Variants in USP32 observed in about 807,000 individuals in gnomAD.
USP32 encodes ubiquitin carboxyl-terminal hydrolase 32.
A neutral mutation model predicts 204.8 loss-of-function variants in USP32; 59 were observed. That is an observed-to-expected ratio of 0.29 (90% confidence interval 0.23 to 0.36). The LOEUF is 0.36. USP32 is among the 10% of genes least tolerant of loss of function. The pLI is 1.00. For missense variants in USP32, 1,160 were observed against 1,946.4 expected (o/e 0.60, Z 7.60); for synonymous variants, 517 against 678.4 (o/e 0.76, Z 3.70).
At chr17:60,419,616 C>G (rs1235772884) in intron 1 of USP32, among the ~76,000 whole-genome samples, 1 of 151,098 alleles carries the variant, frequency 6.6e-6, no homozygotes, top group East Asian at 2.0e-4. Flanking sequence ...GCCTGTAGTC[C>G]CAGCTACTCG....
At chr17:60,182,526 G>A (rs895830483) in intron 31 of USP32, among the ~76,000 whole-genome samples, 2 of 152,168 alleles carry the variant, frequency 1.3e-5, no homozygotes, top group Non-Finnish European at 2.9e-5. Flanking sequence ...ACTTTAAGAG[G>A]CTGAAGCAGG....
At chr17:60,199,384 TAA>T (rs35973432) in intron 26 of USP32, among the ~76,000 whole-genome samples, 2 of 152,306 alleles carry the variant, frequency 1.3e-5, no homozygotes, top group Admixed American at 1.3e-4. Flanking sequence ...TTGAGTACGT[TAA>T]AGAGATATTT....
At chr17:60,233,494 A>G (rs546369632) in intron 12 of USP32, among the ~76,000 whole-genome samples, 2 of 152,196 alleles carry the variant, frequency 1.3e-5, no homozygotes, top group African/African-American at 4.8e-5. Context: ...AAAACACTTA[A>G]CATGCATCAA....
chr17:60,329,581 T>C (rs1198767546), intron 2 of USP32, among the ~76,000 whole-genome samples: 5 of 152,032 alleles, frequency 3.3e-5, no homozygotes, highest in Non-Finnish European at 7.4e-5. Flanking sequence ...AGTGCTAGGA[T>C]ACAGGCATAA....
Position 60,252,421 on chromosome 17 carries a change from AC to A in USP32, c.1095del (p.Leu366Ter). The A allele has an allele frequency of 6.2e-7, 1 of 1,610,330 alleles. No homozygotes were observed. Among genetic ancestry groups the A allele is most frequent in the Non-Finnish European group, 8.5e-7 (1 of 1,178,416 alleles). On this transcript the variant is annotated frameshift_variant, in exon 11 of 34. Transcript: ENST00000300896. LOFTEE classifies it high-confidence loss of function. ...TCTTCTTCCGGAGTAGCTGGTCTTAACCCCAGAACTATGTGACACACCTAGG... is the reference window on the plus strand; with the variant it reads ...TCTTCTTCCGGAGTAGCTGGTCTTAACCCAGAACTATGTGACACACCTAGG... ...LLFQVCHIVLGLRPATPEEEG... is the reference protein window; with the variant it reads ...LLFQVCHIVLXLRPATPEEEG...
intron 2 of USP32, among the ~76,000 whole-genome samples, chr17:60,340,051 T>C (rs1481707787): frequency 1.3e-5 from 2 of 152,192 alleles, no homozygotes; most frequent in African/African-American, 4.8e-5. Context: ...AGAATAATGA[T>C]GCTCTGTTTA....
At chr17:60,219,190 AAAC>A (rs150537662) in intron 16 of USP32, among the ~76,000 whole-genome samples, 19,703 of 152,036 alleles carry the variant, frequency 0.13, 2,652 homozygotes, top group African/African-American at 0.34. Flanking sequence ...CCAAAAAACC[AAAC>A]AACAACAAAA....
chr17:60,278,258 G>A (rs951201966), intron 5 of USP32, among the ~76,000 whole-genome samples: 2 of 151,754 alleles, frequency 1.3e-5, no homozygotes, highest in Admixed American at 1.3e-4. Context: ...TAGTAAAAAC[G>A]TATTATATGC....
At chr17:60,277,635 C>A (rs60965091) in intron 5 of USP32, among the ~76,000 whole-genome samples, 6,953 of 152,234 alleles carry the variant, frequency 0.046, 573 homozygotes, top group African/African-American at 0.16. Context: ...GGACAATATA[C>A]ATTTCTTGAG....
chr17:60,255,097 C>G, intron 10 of USP32, 78 bp downstream of exon 10: 1 of 979,136 alleles, frequency 1.0e-6, no homozygotes, highest in Non-Finnish European at 1.5e-6. Flanking sequence ...TACAACAACT[C>G]TGGCTACTAT....
At chr17:60,384,275 C>A (rs1440662695) in intron 1 of USP32, among the ~76,000 whole-genome samples, 1 of 152,188 alleles carries the variant, frequency 6.6e-6, no homozygotes, top group Non-Finnish European at 1.5e-5. Flanking sequence ...CACCAAAAGG[C>A]AACCATAGCA....
intron 12 of USP32, among the ~76,000 whole-genome samples, chr17:60,230,819 T>G (rs1411952366): frequency 6.6e-6 from 1 of 152,240 alleles, no homozygotes; most frequent in East Asian, 1.9e-4. Context: ...ATTACCACTT[T>G]CCTTCTATAA....
At chr17:60,315,162 C>T (rs540476258) in intron 2 of USP32, among the ~76,000 whole-genome samples, 1 of 152,260 alleles carries the variant, frequency 6.6e-6, no homozygotes, top group South Asian at 2.1e-4. Flanking sequence ...CTTTGGGAGG[C>T]CGAGGTGGGC....
At position 60,181,645 on chromosome 17, in the gene USP32, G is replaced by A; in HGVS notation, c.4227C>T (p.Leu1409=). 6.2e-7 allele frequency: 1 copy of A among 1,613,844 alleles called. No homozygotes were observed. The highest frequency in any genetic ancestry group is 1.1e-5 in the South Asian group (1 of 91,078). Residue 1409 remains leucine, a synonymous_variant, in exon 32 of 34, where the codon CTC becomes CTT. Transcript: ENST00000300896. The stretch of plus-strand genomic sequence containing the variant: ...TTTTGCTGCCAATCTGGGGCAGCCG[G>A]AGCCTCCCTTTGCTCCTCCCCAAAG... ...PRTLGRSKGR[L]RLPQIGSKNK...
intron 3 of USP32, among the ~76,000 whole-genome samples, chr17:60,295,014 A>C (rs2087391052): frequency 6.6e-6 from 1 of 152,216 alleles, no homozygotes; most frequent in Non-Finnish European, 1.5e-5. Context: ...AAAAATCTTT[A>C]GGTATTACAA....
intron 2 of USP32, among the ~76,000 whole-genome samples, chr17:60,322,218 C>T (rs2088129871): frequency 6.6e-6 from 1 of 151,914 alleles, no homozygotes; most frequent in Non-Finnish European, 1.5e-5. Context: ...GCCATGTTGC[C>T]CAGGCTTGCC....
At chr17:60,279,483 A>C (rs1406021911) in intron 5 of USP32, among the ~76,000 whole-genome samples, 1 of 149,826 alleles carries the variant, frequency 6.7e-6, no homozygotes, top group Admixed American at 6.6e-5. Flanking sequence ...CTGTCTCAAA[A>C]AAAAAAAGAA....
chr17:60,254,340 T>C (rs1446420902), intron 10 of USP32, among the ~76,000 whole-genome samples: 3 of 152,170 alleles, frequency 2.0e-5, no homozygotes, highest in African/African-American at 7.2e-5. Flanking sequence ...TTGGACCTTC[T>C]AAAGAATAAA....
At chr17:60,365,890 CAT>C (rs2089301396) in intron 1 of USP32, among the ~76,000 whole-genome samples, 1 of 152,196 alleles carries the variant, frequency 6.6e-6, no homozygotes. Flanking sequence ...TCCAAACTGA[CAT>C]GAGAAATTAA....
Sources: gnomAD v4.1 joint callset for allele counts (sites outside exome capture counted in the v4.1 genomes callset) on GRCh38, gnomAD v4.1.1 for gene constraint, MANE v1.5 for transcripts, NCBI Gene and HGNC (gene_info 2026-07-23, HGNC 2026-07-21) for gene names.